Variants in RANBP2 observed in about 807,000 individuals in gnomAD.
RANBP2 encodes the protein E3 SUMO-protein ligase RanBP2.
A neutral mutation model predicts 303.6 loss-of-function variants in RANBP2; 57 were observed. That is an observed-to-expected ratio of 0.19 (90% confidence interval 0.15 to 0.23). RANBP2 has a LOEUF of 0.23. Among genes scored for constraint, RANBP2 ranks in the 10% least tolerant of loss-of-function variants. RANBP2 has a pLI of 1.00. For synonymous variants in RANBP2, 1,167 were observed against 1,301.5 expected, an observed-to-expected ratio of 0.90 and a Z score of 2.23; for missense variants, 3,138 against 3,780.8, an observed-to-expected ratio of 0.83 and a Z score of 4.46.
the RANBP2 span, among the ~76,000 whole-genome samples, chr2:109,678,845 G>A: frequency 3.9e-5 from 6 of 152,190 alleles, no homozygotes; most frequent in African/African-American, 9.7e-5. Context: ...CTATGTGGCC[G>A]TAGAGCCCTT....
chr2:108,813,248 C>CAAAAAAAAAA, the RANBP2 span, among the ~76,000 whole-genome samples: 3 of 63,542 alleles, frequency 4.7e-5, no homozygotes, highest in Non-Finnish European at 7.6e-5. Flanking sequence ...GACTCCGTCT[C>CAAAAAAAAAA]AAAAAAAAAA....
chr2:109,264,797 C>A, the RANBP2 span, among the ~76,000 whole-genome samples: 1 of 152,232 alleles, frequency 6.6e-6, no homozygotes, highest in Admixed American at 6.5e-5. Flanking sequence ...CTGGCCATCA[C>A]CTACCGTGCA....
the RANBP2 span, among the ~76,000 whole-genome samples, chr2:108,853,876 ATAATATAT>A: frequency 8.0e-6 from 1 of 125,550 alleles, no homozygotes; most frequent in African/African-American, 3.1e-5. Flanking sequence ...TATATACTAT[ATAATATAT>A]TATATAGTAT....
chr2:108,786,983 C>T (rs1484940712), downstream of RANBP2: 13 of 1,121,628 alleles, frequency 1.2e-5, no homozygotes, highest in Admixed American at 4.1e-5. Context: ...CCGTGCCCCG[C>T]GCAGCCGGCC....
At chr2:109,083,821 C>G in the RANBP2 span, among the ~76,000 whole-genome samples, 1 of 152,280 alleles carries the variant, frequency 6.6e-6, no homozygotes, top group South Asian at 2.1e-4. Context: ...CTCCCTTTCT[C>G]ATTTTCCTTG....
the RANBP2 span, among the ~76,000 whole-genome samples, chr2:108,935,947 G>T: frequency 6.6e-6 from 1 of 152,200 alleles, no homozygotes; most frequent in Admixed American, 6.5e-5. Context: ...TGGTGGTGTG[G>T]CTTTGACTGT....
chr2:109,195,066 A>G, the RANBP2 span, among the ~76,000 whole-genome samples: 2 of 152,178 alleles, frequency 1.3e-5, no homozygotes, highest in African/African-American at 2.4e-5. Flanking sequence ...AGGAATCCTA[A>G]TACCCTGGTT....
At chr2:109,167,065 G>T in the RANBP2 span, among the ~76,000 whole-genome samples, 1 of 152,196 alleles carries the variant, frequency 6.6e-6, no homozygotes, top group African/African-American at 2.4e-5. Context: ...ATGGAGGTCA[G>T]GCCAGTGGGA....
At chr2:109,183,427 T>C in the RANBP2 span, among the ~76,000 whole-genome samples, 1 of 152,156 alleles carries the variant, frequency 6.6e-6, no homozygotes, top group African/African-American at 2.4e-5. Context: ...ACCTTATATC[T>C]AGATGCATAT....
chr2:108,734,807 G>A (rs1695440364), intron 4 of RANBP2, among the ~76,000 whole-genome samples: 1 of 152,040 alleles, frequency 6.6e-6, no homozygotes, highest in Admixed American at 6.6e-5. Flanking sequence ...GTTGAGGTTC[G>A]AGTGGAGGAT....
chr2:108,830,564 T>C, the RANBP2 span, among the ~76,000 whole-genome samples: 1 of 151,728 alleles, frequency 6.6e-6, no homozygotes, highest in African/African-American at 2.4e-5. Context: ...CCCAGCACTT[T>C]GGGAGGCCGA....
At chr2:109,447,147 TAAAAAAAAAAAAA>T in the RANBP2 span, among the ~76,000 whole-genome samples, 714 of 82,724 alleles carry the variant, frequency 8.6e-3, 2 homozygotes, top group Non-Finnish European at 0.014. Context: ...CCTGAATATT[TAAAAAAAAAAAAA>T]AAAAAAAAGA....
the RANBP2 span, among the ~76,000 whole-genome samples, chr2:109,238,687 T>TCACTCC: frequency 6.6e-6 from 1 of 152,164 alleles, no homozygotes; most frequent in African/African-American, 2.4e-5. Flanking sequence ...CAGGATGGCC[T>TCACTCC]CACTCCACAG....
the RANBP2 span, among the ~76,000 whole-genome samples, chr2:109,727,150 T>A: frequency 6.6e-6 from 1 of 152,148 alleles, no homozygotes; most frequent in Non-Finnish European, 1.5e-5. Context: ...TCCCTCGAAA[T>A]CAACTCACAT....
the RANBP2 span, among the ~76,000 whole-genome samples, chr2:109,421,066 C>T: frequency 6.6e-6 from 1 of 152,342 alleles, no homozygotes; most frequent in African/African-American, 2.4e-5. Flanking sequence ...ATGCTCCTAG[C>T]TCAGTTCTGG....
the RANBP2 span, chr2:108,912,656 G>C: frequency 1.3e-6 from 2 of 1,563,172 alleles, no homozygotes; most frequent in Admixed American, 1.9e-5. Flanking sequence ...CCAGGTGATC[G>C]ATACCTGAGC....
At chr2:109,572,190 G>T in the RANBP2 span, among the ~76,000 whole-genome samples, 18 of 152,128 alleles carry the variant, frequency 1.2e-4, no homozygotes, top group Non-Finnish European at 2.2e-4. Context: ...GAGTGCAGTG[G>T]TGTGATCTTG....
intron 17 of RANBP2, among the ~76,000 whole-genome samples, chr2:108,758,062 C>T (rs1460066346): frequency 6.6e-5 from 10 of 152,086 alleles, no homozygotes; most frequent in Admixed American, 6.5e-4. Flanking sequence ...CTTTGGGAGG[C>T]TGAGGTGGTG....
Position 108,777,218 on chromosome 2 carries a change from T to A in RANBP2, c.8586T>A (p.Ala2862=). 2 of 1,613,398 alleles carry A rather than the reference T, an allele frequency of 1.2e-6. No individual in the cohort carries two copies. The highest frequency in any genetic ancestry group is 1.7e-6 in the Non-Finnish European group (2 of 1,179,472). ...CTTCCAGTAATTCTGGAGATTTTGCTTTTGGTTCTAAAGGTAAGATCAAGA... is the reference window on the plus strand; with the variant it reads ...CTTCCAGTAATTCTGGAGATTTTGCATTTGGTTCTAAAGGTAAGATCAAGA... ...DLASSNSGDF[A]FGSKDKNFQW... is the part of the protein sequence containing the mutation. The change falls in exon 25 of 29, where the codon GCT becomes GCA. Residue 2862 remains alanine, a synonymous_variant. Coordinates refer to ENST00000283195, the MANE Select transcript of RANBP2 (RefSeq NM_006267.5).
Sources: gnomAD v4.1 joint callset for allele counts (sites outside exome capture counted in the v4.1 genomes callset) on GRCh38, gnomAD v4.1.1 for gene constraint, MANE v1.5 for transcripts, NCBI Gene and HGNC (gene_info 2026-07-23, HGNC 2026-07-21) for gene names.